The following DNAH14 variants were observed in gnomAD, a reference collection of about 807,000 sequenced individuals.
DNAH14 encodes the protein dynein axonemal heavy chain 14.
Under a neutral mutation model 520.9 loss-of-function variants are expected in DNAH14, and 478 were observed. The ratio of observed to expected loss-of-function variants is 0.92; its 90% CI spans 0.85 to 0.99. The LOEUF is 0.99. Ranked by LOEUF, DNAH14 falls within the 50% of genes least tolerant of loss-of-function variation. The probability of loss-of-function intolerance (pLI) is 0.00; values close to 1 mark genes in which losing one functional copy is unlikely to be tolerated. For synonymous variants in DNAH14, 1,581 were observed against 1,757.2 expected (o/e 0.90, Z 2.51); for missense variants, 4,831 against 5,234.5 (o/e 0.92, Z 2.38).
chr1:225,260,615 T>C (rs111746537), intron 46 of DNAH14, among the ~76,000 whole-genome samples: 1,776 of 147,990 alleles, frequency 0.012, 17 homozygotes, highest in East Asian at 0.03. Flanking sequence ...CTTTTTTTTT[T>C]CCCCCCCTCA....
rs138365284 is a variant in DNAH14 at position 225,016,892 on chromosome 1, G to A, written c.1108-6723G>A. On this transcript the variant is annotated intron_variant, in intron 10 of 85. Transcript: ENST00000682510. ...TTTTTCAGTTCTAGGATTTCTATTT[G>A]GTTCTTTTCTATGATATATATCTTT... Among the ~76,000 whole-genome samples the A allele has an allele frequency of 4.0e-5, 6 of 150,656 alleles. No individual in the cohort carries two copies. The East Asian group carries it at 9.7e-4, about 24-fold the overall frequency.
At chr1:225,260,788 C>T (rs1340340877) in intron 46 of DNAH14, among the ~76,000 whole-genome samples, 2 of 152,058 alleles carry the variant, frequency 1.3e-5, no homozygotes, top group Non-Finnish European at 1.5e-5. Context: ...GATATCTTTC[C>T]ACTTATTTGT....
At chr1:225,145,828 CA>C (rs765298548) in intron 30 of DNAH14, among the ~76,000 whole-genome samples, 52 of 152,130 alleles carry the variant, frequency 3.4e-4, no homozygotes, top group Non-Finnish European at 8.8e-5. Context: ...ACAAGTTTGT[CA>C]GTCTTGTTTC....
At chr1:225,133,511 T>C (rs533185059) in intron 27 of DNAH14, among the ~76,000 whole-genome samples, 8 of 152,206 alleles carry the variant, frequency 5.3e-5, no homozygotes, top group Admixed American at 5.2e-4. Context: ...GTTTTGATCA[T>C]GTTTGTGGAA....
chr1:225,359,267 T>C (rs755714776), intron 74 of DNAH14, among the ~76,000 whole-genome samples: 11 of 152,194 alleles, frequency 7.2e-5, no homozygotes, highest in South Asian at 4.1e-4. Flanking sequence ...TCAATGGTGA[T>C]TTTCTGCACA....
At chr1:224,977,377 A>G (rs1325620580) in intron 8 of DNAH14, among the ~76,000 whole-genome samples, 1 of 152,138 alleles carries the variant, frequency 6.6e-6, no homozygotes, top group East Asian at 1.9e-4. Context: ...TAGGAGATAT[A>G]CCTAATGCTA....
intron 65 of DNAH14, among the ~76,000 whole-genome samples, chr1:225,332,687 G>T (rs10915813): frequency 0.64 from 96,920 of 151,888 alleles, 31,706 homozygotes; most frequent in East Asian, 0.78. Context: ...TATAATAAAT[G>T]GATACTTTAT....
intron 74 of DNAH14, among the ~76,000 whole-genome samples, chr1:225,359,711 G>C (rs982331585): frequency 6.6e-6 from 1 of 152,164 alleles, no homozygotes; most frequent in Non-Finnish European, 1.5e-5. Flanking sequence ...TGAAGACTTA[G>C]CCCATGATGG....
At chr1:225,095,958 T>A (rs77125869) in intron 21 of DNAH14, among the ~76,000 whole-genome samples, 9 of 152,088 alleles carry the variant, frequency 5.9e-5, no homozygotes, top group Admixed American at 3.9e-4. Flanking sequence ...CATAAAATTG[T>A]ATACTTTAAT....
At position 225,023,762 on chromosome 1, in the gene DNAH14, A is replaced by G; in HGVS notation, c.1255A>G (p.Ile419Val). ...GGTTGACTACATATTTCAGGAACTC[A>G]TTCGTCAACTTATGAACACTGCAGT... ...MLVDYIFQEL[I>V]RQLMNTAVTL... is the part of the protein sequence containing the mutation. Residue 419 changes from isoleucine (I) to valine (V), a missense_variant, in exon 11 of 86, where the codon ATT (isoleucine) becomes GTT (valine). Physicochemically the swap from Ile to Val is conservative, Grantham distance 29. Coordinates refer to ENST00000682510, the MANE Select transcript of DNAH14 (RefSeq NM_001367479.1). The G allele has an allele frequency of 6.4e-7, 1 of 1,550,922 alleles. No individual in the cohort carries two copies. The highest frequency in any genetic ancestry group is 8.7e-7 in the Non-Finnish European group (1 of 1,146,546).
chr1:225,140,169 T>C (rs1307440019), intron 27 of DNAH14, among the ~76,000 whole-genome samples: 2 of 152,206 alleles, frequency 1.3e-5, no homozygotes, highest in Admixed American at 1.3e-4. Flanking sequence ...CGGCATGCTT[T>C]TCCTGCAATA....
At chr1:225,213,703 C>CT (rs1180223933) in intron 41 of DNAH14, among the ~76,000 whole-genome samples, 2 of 152,092 alleles carry the variant, frequency 1.3e-5, no homozygotes, top group African/African-American at 4.8e-5. Context: ...ATTTGGCTCT[C>CT]TGTTTGTCTG....
intron 71 of DNAH14, among the ~76,000 whole-genome samples, chr1:225,348,337 C>A (rs1302982650): frequency 6.6e-6 from 1 of 151,706 alleles, no homozygotes; most frequent in South Asian, 2.1e-4. Flanking sequence ...AAATACTTCC[C>A]AAATCTAAGG....
intron 75 of DNAH14, among the ~76,000 whole-genome samples, chr1:225,363,404 T>C (rs2095515659): frequency 6.6e-6 from 1 of 152,214 alleles, no homozygotes; most frequent in Admixed American, 6.5e-5. Context: ...TATTTGTTTG[T>C]TGTCTGTTTA....
At chr1:225,351,578 CT>C (rs1342864100) in intron 71 of DNAH14, 68 bp from the exon 72 acceptor site, 30 of 1,140,550 alleles carry the variant, frequency 2.6e-5, no homozygotes, top group Non-Finnish European at 3.5e-5. Context: ...CAAGTATCTA[CT>C]TTGTAATGAA....
intron 41 of DNAH14, among the ~76,000 whole-genome samples, chr1:225,214,458 G>A (rs1427838120): frequency 6.6e-6 from 1 of 152,156 alleles, no homozygotes; most frequent in South Asian, 2.1e-4. Context: ...TTTTTCTACT[G>A]ATTGGAATAG....
chr1:225,317,723 C>A (rs2094491738), intron 60 of DNAH14, among the ~76,000 whole-genome samples: 1 of 151,744 alleles, frequency 6.6e-6, no homozygotes, highest in Non-Finnish European at 1.5e-5. Context: ...AAAATCTAAC[C>A]CTCCATTTAC....
At chr1:225,021,689 T>C (rs2065706636) in intron 10 of DNAH14, among the ~76,000 whole-genome samples, 1 of 152,080 alleles carries the variant, frequency 6.6e-6, no homozygotes, top group East Asian at 1.9e-4. Context: ...AAATCAATAT[T>C]GTTAAAATGG....
At chr1:224,994,621 A>G (rs1043881124) in intron 8 of DNAH14, among the ~76,000 whole-genome samples, 3 of 152,068 alleles carry the variant, frequency 2.0e-5, no homozygotes, top group Non-Finnish European at 2.9e-5. Flanking sequence ...TTGTTTTTTA[A>G]ATCTATTTAG....
Sources: allele counts gnomAD v4.1 joint callset (sites outside exome capture counted in the v4.1 genomes callset), GRCh38; gene constraint gnomAD v4.1.1; transcripts MANE v1.5; gene names NCBI Gene and HGNC (gene_info 2026-07-23, HGNC 2026-07-21).